The following TRPM3 variants were observed in gnomAD, a reference collection of about 807,000 sequenced individuals.
TRPM3 encodes the protein long transient receptor potential channel 3.
In TRPM3, 77 loss-of-function variants were observed where a neutral mutation model predicts 181.2. That is an observed-to-expected ratio of 0.42 (90% CI 0.35 to 0.51). TRPM3 has a LOEUF of 0.51. Ranked by LOEUF, TRPM3 falls within the 20% of genes least tolerant of loss-of-function variation. The pLI is 0.01. For synonymous variants in TRPM3, 745 were observed against 796.4 expected, an observed-to-expected ratio of 0.94 and a Z score of 1.09; for missense variants, 1,759 against 2,196.7, an observed-to-expected ratio of 0.80 and a Z score of 3.98.
chr9:70,555,840 G>C (rs896668444), intron 22 of TRPM3, among the ~76,000 whole-genome samples: 3 of 152,202 alleles, frequency 2.0e-5, no homozygotes, highest in Admixed American at 1.3e-4. Flanking sequence ...CTCCTGCTCA[G>C]ATCTCTGTGT....
chr9:71,356,874 G>T (rs1048111475), intron 1 of TRPM3, among the ~76,000 whole-genome samples: 4 of 152,066 alleles, frequency 2.6e-5, no homozygotes, highest in East Asian at 3.8e-4. Flanking sequence ...ACTTGTTTCT[G>T]CACTTTTTCC....
intron 1 of TRPM3, among the ~76,000 whole-genome samples, chr9:71,308,625 T>G (rs1009901605): frequency 6.6e-6 from 1 of 152,096 alleles, no homozygotes; most frequent in Non-Finnish European, 1.5e-5. Flanking sequence ...AGAAGGAAAA[T>G]TATTTTACAC....
intron 5 of TRPM3, among the ~76,000 whole-genome samples, chr9:70,842,358 A>G (rs575319598): frequency 3.9e-4 from 60 of 152,232 alleles, no homozygotes; most frequent in African/African-American, 1.3e-3. Flanking sequence ...CTATGATGAC[A>G]TTTATTTTTT....
chr9:70,590,223 G>A (rs569737695), intron 22 of TRPM3, among the ~76,000 whole-genome samples: 1 of 152,138 alleles, frequency 6.6e-6, no homozygotes, highest in South Asian at 2.1e-4. Flanking sequence ...CCAATGCCTG[G>A]TGTGTCCTGA....
At chr9:70,954,406 A>G (rs1803498166) in intron 1 of TRPM3, among the ~76,000 whole-genome samples, 1 of 151,950 alleles carries the variant, frequency 6.6e-6, no homozygotes, top group Admixed American at 6.6e-5. Flanking sequence ...AGGAATGAAG[A>G]CTCCCAACTT....
intron 1 of TRPM3, among the ~76,000 whole-genome samples, chr9:70,965,490 T>TTAA (rs1310682700): frequency 6.6e-6 from 1 of 152,072 alleles, no homozygotes; most frequent in Non-Finnish European, 1.5e-5. Flanking sequence ...TGACTGTATT[T>TTAA]TAAAAAGAAG....
intron 1 of TRPM3, among the ~76,000 whole-genome samples, chr9:71,030,096 T>C (rs1373183980): frequency 6.6e-6 from 1 of 152,228 alleles, no homozygotes; most frequent in Admixed American, 6.5e-5. Flanking sequence ...TATTAATATA[T>C]ATTCATCGTG....
intron 1 of TRPM3, among the ~76,000 whole-genome samples, chr9:71,346,523 G>T (rs1304026934): frequency 1.3e-5 from 2 of 152,142 alleles, no homozygotes; most frequent in African/African-American, 4.8e-5. Flanking sequence ...TTGCAAGGGA[G>T]CTAGTGTCAC....
At chr9:71,045,297 A>G (rs2059308803) in intron 1 of TRPM3, among the ~76,000 whole-genome samples, 1 of 152,052 alleles carries the variant, frequency 6.6e-6, no homozygotes, top group South Asian at 2.1e-4. Flanking sequence ...TCCTCCTTCC[A>G]TGTCACCTTC....
chr9:70,834,025 T>C lies in TRPM3; in HGVS notation c.802-6007A>G, dbSNP rs564775903. Among the ~76,000 whole-genome samples the C allele has an allele frequency of 8.6e-4, 131 of 152,266 alleles. 1 individual carries two copies. The highest frequency in any genetic ancestry group is 2.4e-3 in the African/African-American group (99 of 41,554). On this transcript the variant is annotated intron_variant, in intron 5 of 25. Transcript: ENST00000677713. ...AAGGATCTGTGGTTCCTCACAATTA[T>C]AGCGAGGCCAGAGCTAGCAGGGACA... is the stretch of plus-strand genomic sequence containing the variant.
At chr9:70,888,834 C>T (rs2096141079) in intron 1 of TRPM3, among the ~76,000 whole-genome samples, 1 of 152,168 alleles carries the variant, frequency 6.6e-6, no homozygotes, top group Admixed American at 6.5e-5. Flanking sequence ...GATTCAACAA[C>T]ATTTCTGATC....
chr9:70,651,877 T>C (rs566497993), intron 9 of TRPM3, among the ~76,000 whole-genome samples: 29 of 152,302 alleles, frequency 1.9e-4, no homozygotes, highest in African/African-American at 7.0e-4. Flanking sequence ...TAGAAGAGTG[T>C]TCTGATCAAA....
Position 71,372,001 on chromosome 9 carries a change from C to G in TRPM3, c.183+74652G>C, listed in dbSNP as rs72735835. Among the ~76,000 whole-genome samples, 47 of 152,220 alleles carry G rather than the reference C, an allele frequency of 3.1e-4. No homozygotes were observed. In the South Asian group the frequency reaches 9.5e-3, roughly 31 times the overall value. ...CTTCCCACATCCCCCCCACAGGTGC[C>G]CAGTGTGTGTTGTTCCCTGCCATGT... On this transcript the variant is annotated intron_variant, in intron 1 of 24. Transcript: ENST00000357533.
intron 11 of TRPM3, among the ~76,000 whole-genome samples, chr9:70,638,698 T>C (rs1055983098): frequency 2.6e-5 from 4 of 152,176 alleles, no homozygotes; most frequent in Admixed American, 1.3e-4. Context: ...TAATCAGCCT[T>C]TTGTGATGCT....
chr9:71,161,120 G>A (rs1335528417), intron 1 of TRPM3, among the ~76,000 whole-genome samples: 3 of 152,116 alleles, frequency 2.0e-5, no homozygotes, highest in Non-Finnish European at 2.9e-5. Flanking sequence ...ACTTTCTGAT[G>A]TATTAGTCTT....
chr9:70,996,601 G>A (rs1429504790), intron 1 of TRPM3, among the ~76,000 whole-genome samples: 1 of 152,190 alleles, frequency 6.6e-6, no homozygotes, highest in Non-Finnish European at 1.5e-5. Context: ...TGGCTAAATC[G>A]CAATGTTAAA....
At chr9:71,007,982 G>C (rs555734747) in intron 1 of TRPM3, among the ~76,000 whole-genome samples, 1 of 151,896 alleles carries the variant, frequency 6.6e-6, no homozygotes, top group African/African-American at 2.4e-5. Context: ...ACCCCAAAAC[G>C]AAGAGTGCAT....
intron 1 of TRPM3, among the ~76,000 whole-genome samples, chr9:71,016,825 T>C (rs2097789014): frequency 6.6e-6 from 1 of 152,184 alleles, no homozygotes; most frequent in Non-Finnish European, 1.5e-5. Context: ...CGTTCTGTTT[T>C]CTACAGTGGT....
intron 9 of TRPM3, among the ~76,000 whole-genome samples, chr9:70,664,750 A>C (rs932964658): frequency 2.9e-5 from 4 of 140,220 alleles, no homozygotes; most frequent in Non-Finnish European, 3.0e-5. Flanking sequence ...TCCCAGGTTT[A>C]AGTGATTCTC....
Sources: allele counts gnomAD v4.1 joint callset (sites outside exome capture counted in the v4.1 genomes callset), GRCh38; gene constraint gnomAD v4.1.1; transcripts MANE v1.5; gene names NCBI Gene and HGNC (gene_info 2026-07-23, HGNC 2026-07-21).